Variants in SLC22A23 observed in about 807,000 individuals in gnomAD.
SLC22A23 encodes solute carrier family 22 member 23, also known as ion transporter protein.
In SLC22A23, 26 loss-of-function variants were observed where a neutral mutation model predicts 61.0. The observed-to-expected ratio is 0.43, with a 90% CI of 0.31 to 0.59. The LOEUF (loss-of-function observed/expected upper bound fraction) is 0.59. Ranked by LOEUF, SLC22A23 falls within the 20% of genes least tolerant of loss-of-function variation. The pLI is 0.11. For synonymous variants in SLC22A23, 430 were observed against 413.9 expected (o/e 1.04, Z -0.47); for missense variants, 796 against 934.7 (o/e 0.85, Z 1.94).
In SLC22A23 at chr6:3,317,008, G is replaced by C. The variant is rs1048734467; in HGVS notation, c.1082+6826C>G. Among the ~76,000 whole-genome samples the C allele has an allele frequency of 3.3e-5, 5 of 152,130 alleles. No homozygotes were observed. The highest frequency in any genetic ancestry group is 1.5e-5 in the Non-Finnish European group (1 of 68,030). On this transcript the variant is annotated intron_variant, in intron 4 of 9. Transcript: ENST00000406686. The surrounding 1 kb of genome is among the most constrained non-coding windows in gnomAD (Gnocchi z 4.4). ...GCATGCACCAACGTTTTGGGAGAGT[G>C]GCGCTCACATCTCCACTATCTCCAG...
At chr6:3,382,275 G>A (rs1322089847) in intron 3 of SLC22A23, among the ~76,000 whole-genome samples, 1 of 152,218 alleles carries the variant, frequency 6.6e-6, no homozygotes, top group Non-Finnish European at 1.5e-5. Context: ...GGACAGTGAG[G>A]TGAATAGCTA....
intron 9 of SLC22A23, among the ~76,000 whole-genome samples, chr6:3,278,856 C>T (rs117766296): frequency 6.6e-6 from 1 of 152,274 alleles, no homozygotes; most frequent in East Asian, 1.9e-4. Flanking sequence ...TCTGCCTGAC[C>T]TTCCCGGCAC....
At position 3,279,509 on chromosome 6, in the gene SLC22A23, C is replaced by CAAAA. The variant is rs10642564; in HGVS notation, c.1703+4339_1703+4342dup. Among the ~76,000 whole-genome samples the CAAAA allele has an allele frequency of 2.0e-3, 71 of 36,012 alleles. 10 individuals are homozygous for CAAAA. Among genetic ancestry groups the CAAAA allele is most frequent in the African/African-American group, 2.7e-3 (37 of 13,644 alleles). 23.6% of individuals were successfully genotyped at this position (36,012 alleles called of 152,430 possible). A position where few individuals can be genotyped will look rare whatever the true frequency, so the allele number is the denominator to read the frequency against. The stretch of plus-strand genomic sequence containing the variant: ...CTGGCAACAGAGCAAGGCTCCGTCT[C>CAAAA]AAAAAAAAAAAAAAAAAAAAAAAAA... On this transcript the variant is annotated intron_variant, in intron 9 of 9. Transcript: ENST00000406686.
Position 3,309,827 on chromosome 6 carries a change from C to T in SLC22A23, c.1083-11609G>A, listed in dbSNP as rs74391079. ...GTCAGAAGGGCATCTCCGGATTGCA[C>T]TTAACCCAGCCCCTCACTGCACAGC... On this transcript the variant is annotated intron_variant, in intron 4 of 9. Coordinates refer to ENST00000406686, the MANE Select transcript of SLC22A23 (RefSeq NM_015482.2). This position sits in a 1 kb window ranked among gnomAD's most constrained non-coding sequence, Gnocchi z 4.7. Among the ~76,000 whole-genome samples, 365 of 152,344 alleles carry T rather than the reference C, an allele frequency of 2.4e-3. 14 individuals carry two copies. In the East Asian group the frequency reaches 0.057, roughly 24 times the overall value.
At chr6:3,282,407 G>A (rs1759552636) in intron 9 of SLC22A23, 1 of 683,662 alleles carries the variant, frequency 1.5e-6, no homozygotes, top group South Asian at 1.5e-5. Context: ...GTAGCTGTCA[G>A]GCTGGGCCTG....
intron 9 of SLC22A23, 48 bp from the exon 10 acceptor site, chr6:3,273,460 T>G (rs6901135): frequency 6.3e-7 from 1 of 1,595,992 alleles, no homozygotes. Flanking sequence ...GCTAGCGGGC[T>G]GGATCCCGGG....
intron 3 of SLC22A23, among the ~76,000 whole-genome samples, chr6:3,336,320 C>T (rs1368288000): frequency 2.0e-5 from 3 of 152,198 alleles, no homozygotes; most frequent in African/African-American, 7.2e-5. Context: ...CCTGGACTGC[C>T]ATAGTCGCCT....
At chr6:3,320,124 T>C (rs1762865308) in intron 4 of SLC22A23, among the ~76,000 whole-genome samples, 1 of 152,182 alleles carries the variant, frequency 6.6e-6, no homozygotes, top group Non-Finnish European at 1.5e-5. Context: ...TCCTCACGCT[T>C]CTCTCTGGTT....
rs535193243 is a variant in SLC22A23, at chr6:3,360,978, G to A, written c.914-36976C>T. On this transcript the variant is annotated intron_variant, in intron 3 of 9. Transcript: ENST00000406686. This position sits in a 1 kb window ranked among gnomAD's most constrained non-coding sequence, Gnocchi z 4.6. ...GAACATCAGCAGCTGCGGGGAGCTC[G>A]AGGCAGCAGGGATGTCCAGGCCACA... 1.3e-5 allele frequency among the ~76,000 whole-genome samples: 2 copies of A among 152,298 alleles called. No homozygotes were observed. The highest frequency in any genetic ancestry group is 2.1e-4 in the South Asian group (1 of 4,822).
chr6:3,398,911 C>T (rs1272917240), intron 3 of SLC22A23, among the ~76,000 whole-genome samples: 5 of 152,068 alleles, frequency 3.3e-5, no homozygotes, highest in African/African-American at 1.2e-4. Flanking sequence ...TGCCTGTGGT[C>T]TCTGATACTC....
chr6:3,311,611 C>G (rs1373412206), intron 4 of SLC22A23: 1 of 152,206 alleles, frequency 6.6e-6, no homozygotes, highest in Non-Finnish European at 1.5e-5. Flanking sequence ...GGATGAGTAT[C>G]ATGAAATCGA....
At chr6:3,364,842 T>G (rs1390664607) in intron 3 of SLC22A23, among the ~76,000 whole-genome samples, 2 of 152,092 alleles carry the variant, frequency 1.3e-5, no homozygotes, top group African/African-American at 4.8e-5. Flanking sequence ...GACATGAAGC[T>G]GAAGAGTGAG....
At chr6:3,436,453 A>C (rs1473875706) in intron 1 of SLC22A23, among the ~76,000 whole-genome samples, 1 of 152,102 alleles carries the variant, frequency 6.6e-6, no homozygotes, top group African/African-American at 2.4e-5. Flanking sequence ...TATTTTTTTA[A>C]AGCAAGTTTG....
At chr6:3,357,372 T>C (rs1419156401) in intron 3 of SLC22A23, among the ~76,000 whole-genome samples, 1 of 152,130 alleles carries the variant, frequency 6.6e-6, no homozygotes, top group Non-Finnish European at 1.5e-5. Context: ...GGCTCAGCAA[T>C]AGTGTAAGGA....
At chr6:3,452,599 T>TAAAAAAAAAA (rs570923626) in intron 1 of SLC22A23, among the ~76,000 whole-genome samples, 3 of 40,560 alleles carry the variant, frequency 7.4e-5, no homozygotes, top group Non-Finnish European at 1.2e-4. Flanking sequence ...AGACGCTGTC[T>TAAAAAAAAAA]AAAAAAAAAA....
chr6:3,385,491 G>A (rs1767241404), intron 3 of SLC22A23, among the ~76,000 whole-genome samples: 2 of 152,108 alleles, frequency 1.3e-5, no homozygotes. Context: ...ACTCTAGCCT[G>A]GGCGACAGAG....
rs555419763 is a variant in SLC22A23 at position 3,343,723 on chromosome 6, G to A, written c.914-19721C>T. Among the ~76,000 whole-genome samples, 7 of 152,258 alleles carry A rather than the reference G, an allele frequency of 4.6e-5. No individual in the cohort carries two copies. The East Asian group carries it at 5.8e-4, about 13-fold the overall frequency. Reference sequence around the variant, plus strand: ...TCTATCTGCTTCTGAACATAATGACGTTGACTGATGACCTTGGGGAGCTGG... The same window carrying A: ...TCTATCTGCTTCTGAACATAATGACATTGACTGATGACCTTGGGGAGCTGG... On this transcript the variant is annotated intron_variant, in intron 3 of 9. Coordinates refer to ENST00000406686, the MANE Select transcript of SLC22A23 (RefSeq NM_015482.2).
At chr6:3,389,979 T>C (rs942349948) in intron 3 of SLC22A23, among the ~76,000 whole-genome samples, 1 of 152,142 alleles carries the variant, frequency 6.6e-6, no homozygotes, top group African/African-American at 2.4e-5. Flanking sequence ...ACTCAGCCAG[T>C]CAAAGGATGG....
At chr6:3,302,924 C>T (rs1434755224) in intron 4 of SLC22A23, 1 of 152,148 alleles carries the variant, frequency 6.6e-6, no homozygotes, top group East Asian at 1.9e-4. Context: ...AAAAGACAAC[C>T]TACAGAATGA....
Sources: allele counts gnomAD v4.1 joint callset (sites outside exome capture counted in the v4.1 genomes callset), GRCh38; gene constraint gnomAD v4.1.1; non-coding constraint Gnocchi (gnomAD v3.1); transcripts MANE v1.5; gene names NCBI Gene and HGNC (gene_info 2026-07-23, HGNC 2026-07-21).